Variants in ARHGEF18 observed in about 807,000 individuals in gnomAD.
ARHGEF18 encodes the protein rho guanine nucleotide exchange factor 18.
ARHGEF18 carries 93 observed loss-of-function variants against 155.7 expected under a neutral mutation model. That is an observed-to-expected ratio of 0.60 (90% confidence interval 0.50 to 0.71). The LOEUF (loss-of-function observed/expected upper bound fraction) is 0.71. ARHGEF18 is among the 30% of genes least tolerant of loss of function. The pLI, the probability that ARHGEF18 is intolerant of heterozygous loss-of-function variation, is 0.00. For synonymous variants in ARHGEF18, 742 were observed against 753.1 expected (o/e 0.99, Z 0.24); for missense variants, 1,593 against 1,816.1 (o/e 0.88, Z 2.23).
rs60335898 is a variant in ARHGEF18 at position 7,393,239 on chromosome 19, G to A, written c.967+10036G>A. The stretch of plus-strand genomic sequence containing the variant: ...CTGGGACATCCAATTCCCTGAACAT[G>A]CTCCCTTCCTCTGGACCATGAAGGT... On this transcript the variant is annotated intron_variant, in intron 10 of 28. Coordinates refer to ENST00000668164, the MANE Select transcript of ARHGEF18 (RefSeq NM_001367823.1). Among the ~76,000 whole-genome samples, 1,741 of 152,144 alleles carry A rather than the reference G, an allele frequency of 0.011. 137 individuals carry two copies. In the East Asian group the frequency reaches 0.18, roughly 16 times the overall value.
At position 7,462,571 on chromosome 19, in the gene ARHGEF18, C is replaced by T. The variant is rs934639947; in HGVS notation, c.2635+237C>T. On this transcript the variant is annotated intron_variant, in intron 21 of 28. Transcript: ENST00000668164. This position sits in a 1 kb window ranked among gnomAD's most constrained non-coding sequence, Gnocchi z 4.4. ...TTGCAGACATAAAGCACTTTCTCCC[C>T]GTTCAACAACCGCTCTGATGCTCCC... Among the ~76,000 whole-genome samples, 6 of 152,012 alleles carry T rather than the reference C, an allele frequency of 3.9e-5. No individual in the cohort carries two copies. The highest frequency in any genetic ancestry group is 5.9e-5 in the Non-Finnish European group (4 of 68,030).
downstream of ARHGEF18, among the ~76,000 whole-genome samples, chr19:7,474,304 C>T (rs996323098): frequency 4.6e-5 from 7 of 151,968 alleles, no homozygotes; most frequent in Non-Finnish European, 1.0e-4. Flanking sequence ...CACGATTGCA[C>T]TCCAGCCTGG....
At position 7,440,064 on chromosome 19, in the gene ARHGEF18, C is replaced by A; in HGVS notation, c.968-280C>A. 6.4e-7 allele frequency: 1 copy of A among 1,550,578 alleles called. No individual in the cohort carries two copies. Among genetic ancestry groups the A allele is most frequent in the South Asian group, 1.2e-5 (1 of 84,020 alleles). On this transcript the variant is annotated intron_variant, in intron 10 of 28. Coordinates refer to ENST00000668164, the MANE Select transcript of ARHGEF18 (RefSeq NM_001367823.1). This position sits in a 1 kb window ranked among gnomAD's most constrained non-coding sequence, Gnocchi z 5.4. ...GAGGCATAAAAACGGCGCAGCCCAG[C>A]CTGGCGCCGCGCCGGGTCCCGGAGC...
intron 10 of ARHGEF18, among the ~76,000 whole-genome samples, chr19:7,414,549 G>A (rs1039681112): frequency 5.9e-5 from 9 of 152,002 alleles, no homozygotes; most frequent in Non-Finnish European, 1.0e-4. Context: ...GGTGGTTCAC[G>A]CCTATAATTC....
intron 13 of ARHGEF18, among the ~76,000 whole-genome samples, chr19:7,443,391 G>C (rs1974793115): frequency 6.6e-6 from 1 of 152,076 alleles, no homozygotes; most frequent in African/African-American, 2.4e-5. Context: ...GGTAGAGACA[G>C]GGTTTCGCTG....
chr19:7,433,469 T>C (rs562796102), intron 10 of ARHGEF18, among the ~76,000 whole-genome samples: 3 of 124,538 alleles, frequency 2.4e-5, no homozygotes, highest in Admixed American at 1.1e-4. Flanking sequence ...ATCATGCCAC[T>C]GCATTCCAGC....
At chr19:7,362,024 A>C (rs1352161169) in intron 1 of ARHGEF18, among the ~76,000 whole-genome samples, 1 of 12,458 alleles carries the variant, frequency 8.0e-5, no homozygotes, top group Non-Finnish European at 1.5e-4. Context: ...AAGGAGAAGG[A>C]GAAGGAGAAG....
rs587602037 is a variant in ARHGEF18 at position 7,352,832 on chromosome 19, CTT to C, written c.-111+3612_-111+3613del. Among the ~76,000 whole-genome samples the C allele has an allele frequency of 7.4e-3, 369 of 49,826 alleles. 2 individuals are homozygous for C. The highest frequency in any genetic ancestry group is 0.028 in the African/African-American group (354 of 12,870). 32.7% of individuals were successfully genotyped at this position (49,826 alleles called of 152,430 possible). A position where few individuals can be genotyped will look rare whatever the true frequency, so the allele number is the denominator to read the frequency against. On this transcript the variant is annotated intron_variant, in intron 1 of 28. Transcript: ENST00000668164. ...ACAGGTGTGAGTCGCCGTGCCTGGC[CTT>C]TTTTTTTTTTTTTTTTTTTTGACAT... is the stretch of plus-strand genomic sequence containing the variant.
intron 5 of ARHGEF18, 128 bp downstream of exon 5, chr19:7,376,885 GC>G: frequency 1.6e-6 from 1 of 637,496 alleles, no homozygotes; most frequent in Non-Finnish European, 2.2e-6. Context: ...CTCCAGATGG[GC>G]CCCAGGGAAG....
intron 10 of ARHGEF18, among the ~76,000 whole-genome samples, chr19:7,402,881 C>A (rs1202916782): frequency 6.6e-6 from 1 of 152,122 alleles, no homozygotes; most frequent in Non-Finnish European, 1.5e-5. Context: ...CCCAGAAAGC[C>A]CTCTTGACCA....
At chr19:7,464,068 T>TG in intron 22 of ARHGEF18, 113 bp downstream of exon 22, 1 of 1,370,566 alleles carries the variant, frequency 7.3e-7, no homozygotes, top group Non-Finnish European at 9.7e-7. Flanking sequence ...GACAGAGTCT[T>TG]GCTCTGTCAC....
intron 15 of ARHGEF18, among the ~76,000 whole-genome samples, chr19:7,450,497 A>T: frequency 7.7e-6 from 1 of 130,278 alleles, no homozygotes; most frequent in Non-Finnish European, 1.5e-5. Context: ...CCGAGATGTT[A>T]ATACGGGATC....
chr19:7,465,753 A>ATGT (rs1241382486), intron 23 of ARHGEF18, among the ~76,000 whole-genome samples: 32 of 152,134 alleles, frequency 2.1e-4, no homozygotes, highest in African/African-American at 7.5e-4. Context: ...AGCCTGGGCA[A>ATGT]CATAGCAAGA....
At chr19:7,430,167 G>C (rs1211269455) in intron 10 of ARHGEF18, among the ~76,000 whole-genome samples, 1 of 151,896 alleles carries the variant, frequency 6.6e-6, no homozygotes, top group Non-Finnish European at 1.5e-5. Context: ...CATTGCACTT[G>C]GTGGATTTAA....
intron 10 of ARHGEF18, among the ~76,000 whole-genome samples, chr19:7,397,165 G>A (rs1357638549): frequency 6.6e-6 from 1 of 151,086 alleles, no homozygotes; most frequent in East Asian, 1.9e-4. Context: ...CAGCTGGCAG[G>A]CATAATACAT....
chr19:7,409,722 G>GT (rs1568307761), intron 10 of ARHGEF18, among the ~76,000 whole-genome samples: 1 of 151,462 alleles, frequency 6.6e-6, no homozygotes, highest in African/African-American at 2.4e-5. Context: ...GATTACAGGC[G>GT]TGAGCCATCG....
chr19:7,444,443 C>T lies in ARHGEF18; in HGVS notation c.1600C>T (p.Leu534=). 6.2e-7 allele frequency: 1 copy of T among 1,613,586 alleles called. No individual in the cohort carries two copies. Among genetic ancestry groups the T allele is most frequent in the Non-Finnish European group, 8.5e-7 (1 of 1,179,934 alleles). The change falls in exon 14 of 29, where the codon CTG becomes TTG. Residue 534 remains leucine (L), a synonymous_variant. Coordinates refer to ENST00000668164, the MANE Select transcript of ARHGEF18 (RefSeq NM_001367823.1). This position sits in a 1 kb window ranked among gnomAD's most constrained non-coding sequence, Gnocchi z 4.7. ...NYVIQKIGDL[L]VQQFSGENGE... ...TGTCATCCAGAAAATCGGCGACCTC[C>T]TGGTTCAGCAGGTGGGTGCAGCCGT...
At position 7,375,489 on chromosome 19, in the gene ARHGEF18, G is replaced by C. The variant is rs139082839; in HGVS notation, c.276-231G>C. On this transcript the variant is annotated intron_variant, in intron 3 of 28. Coordinates refer to ENST00000668164, the MANE Select transcript of ARHGEF18 (RefSeq NM_001367823.1). ...ACCAGTCTGTGCAAAAACGATCTGA[G>C]ATGCAAATGTAGCTCCAACAAATCT... is the stretch of plus-strand genomic sequence containing the variant. 1.4e-3 allele frequency among the ~76,000 whole-genome samples: 206 copies of C among 152,300 alleles called. 1 individual carries two copies. Among genetic ancestry groups the C allele is most frequent in the African/African-American group, 4.5e-3 (189 of 41,570 alleles).
rs1402265607 is a variant in ARHGEF18 at position 7,376,704 on chromosome 19, T to G, written c.488T>G (p.Ile163Ser). The change falls in exon 5 of 29, where the codon ATC becomes AGC. Residue 163 changes from isoleucine to serine, a missense_variant. Physicochemically the swap from Ile to Ser is moderately radical, Grantham distance 142. Transcript: ENST00000668164. ...SRSVPVSFYE[I>S]RSPEISPGLE... is the part of the protein sequence containing the mutation. ...TCCGTTCCTGTGTCCTTCTATGAGATCCGCTCTCCGGAAATCTCTCCGGGT... is the reference window on the plus strand; with the variant it reads ...TCCGTTCCTGTGTCCTTCTATGAGAGCCGCTCTCCGGAAATCTCTCCGGGT... The G allele has an allele frequency of 8.1e-7, 1 of 1,234,308 alleles. No homozygotes were observed. The highest frequency in any genetic ancestry group is 3.2e-5 in the East Asian group (1 of 31,718). 76.5% of individuals were successfully genotyped at this position (1,234,308 alleles called of 1,614,324 possible).
Sources: allele counts gnomAD v4.1 joint callset (sites outside exome capture counted in the v4.1 genomes callset), GRCh38; gene constraint gnomAD v4.1.1; non-coding constraint Gnocchi (gnomAD v3.1); transcripts MANE v1.5; gene names NCBI Gene and HGNC (gene_info 2026-07-23, HGNC 2026-07-21).